The following SETDB2 variants were observed in gnomAD, a reference collection of about 807,000 sequenced individuals.
SETDB2 encodes histone-lysine N-methyltransferase SETDB2.
Under a neutral mutation model 82.5 loss-of-function variants are expected in SETDB2, and 56 were observed. That is an observed-to-expected ratio of 0.68 (90% CI 0.55 to 0.85). The LOEUF is 0.85. Ranked by LOEUF, SETDB2 falls within the 40% of genes least tolerant of loss-of-function variation. SETDB2 has a pLI of 0.00. For synonymous variants in SETDB2, 272 were observed against 284.9 expected, an observed-to-expected ratio of 0.95 and a Z score of 0.46; for missense variants, 677 against 816.4, an observed-to-expected ratio of 0.83 and a Z score of 2.08.
At chr13:49,452,696 A>G (rs1038026183) in intron 2 of SETDB2, among the ~76,000 whole-genome samples, 3 of 152,118 alleles carry the variant, frequency 2.0e-5, no homozygotes, top group African/African-American at 7.2e-5. Context: ...CCTAGCTGTG[A>G]TAGTTTCTGA....
At chr13:49,450,768 A>C (rs1257657970) in intron 1 of SETDB2, among the ~76,000 whole-genome samples, 2 of 152,038 alleles carry the variant, frequency 1.3e-5, no homozygotes, top group Non-Finnish European at 2.9e-5. Context: ...CTTGACTAAC[A>C]TCTTGAGAAT....
intron 2 of SETDB2, among the ~76,000 whole-genome samples, chr13:49,458,196 G>A (rs1029066126): frequency 3.3e-5 from 5 of 152,078 alleles, no homozygotes; most frequent in African/African-American, 1.2e-4. Context: ...CAATCCTCTC[G>A]CCTCAGCCTC....
Position 49,461,151 on chromosome 13 carries a change from C to T in SETDB2, c.197C>T (p.Thr66Ile). The change falls in exon 4 of 14, where the codon ACA (threonine) becomes ATA (isoleucine). Residue 66 changes from threonine (T) to isoleucine (I), a missense_variant. Thr to Ile is a moderately conservative substitution (Grantham distance 89). Coordinates refer to ENST00000611815, the MANE Select transcript of SETDB2 (RefSeq NM_001160308.3). ...GAAGCAACTATAATTAACAGTTCAA[C>T]ATCAATAAAGGGTATGTACATCTCT... Reference protein sequence around the residue: ...VNEATIINSSTSIKDPMPVTQ... With the variant: ...VNEATIINSSISIKDPMPVTQ... 6.2e-7 allele frequency: 1 copy of T among 1,606,486 alleles called. No individual in the cohort carries two copies. Among genetic ancestry groups the T allele is most frequent in the African/African-American group, 1.3e-5 (1 of 74,874 alleles).
In SETDB2 at chr13:49,483,554, G is replaced by A; in HGVS notation, c.1473G>A (p.Gly491=). Residue 491 remains glycine, a synonymous_variant, in exon 10 of 14, where the codon GGG becomes GGA. Transcript: ENST00000611815. ...ESKTAIFQHN[G]KKMEFVSSES... The stretch of plus-strand genomic sequence containing the variant: ...AGACAGCCATTTTTCAACACAATGG[G>A]AAAAAAATGGTAAAAAATGCAAAAT... 7.0e-7 allele frequency: 1 copy of A among 1,420,620 alleles called. No homozygotes were observed. Among genetic ancestry groups the A allele is most frequent in the Non-Finnish European group, 9.5e-7 (1 of 1,056,122 alleles). The allele number at this position is 1,420,620 out of a possible 1,614,324, so 88.0% of individuals were successfully genotyped here. A position where few individuals can be genotyped will look rare whatever the true frequency, so the allele number is the denominator to read the frequency against.
chr13:49,460,318 G>C, intron 3 of SETDB2, 86 bp downstream of exon 3: 2 of 1,337,374 alleles, frequency 1.5e-6, no homozygotes, highest in Non-Finnish European at 2.0e-6. Flanking sequence ...CAATATTGCT[G>C]TTTGTAAAAG....
At chr13:49,480,444 A>G in intron 7 of SETDB2, 109 bp downstream of exon 7, 1 of 664,366 alleles carries the variant, frequency 1.5e-6, no homozygotes, top group Non-Finnish European at 2.6e-6. Flanking sequence ...ATTTGGTTCT[A>G]ATACCAAAAA....
At chr13:49,483,585 T>C (rs771634612) in intron 10 of SETDB2, 22 bp downstream of exon 10, 1 of 922,680 alleles carries the variant, frequency 1.1e-6, no homozygotes, top group South Asian at 1.7e-5. Context: ...AAAATGTAGT[T>C]GGGACCCTTC....
At chr13:49,451,952 TA>T in intron 2 of SETDB2, 43 bp downstream of exon 2, 3 of 1,433,730 alleles carry the variant, frequency 2.1e-6, no homozygotes, top group South Asian at 1.3e-5. Flanking sequence ...TCTAAAAGTA[TA>T]AAAGTATATA....
intron 2 of SETDB2, among the ~76,000 whole-genome samples, chr13:49,459,089 A>G (rs1022427393): frequency 6.6e-6 from 1 of 152,354 alleles, no homozygotes; most frequent in Admixed American, 6.5e-5. Flanking sequence ...AGTCTTACAT[A>G]GTATACATCA....
At position 49,451,673 on chromosome 13, in the gene SETDB2, G is replaced by A; in HGVS notation, c.-221G>A. 1 of 377,936 alleles carries A rather than the reference G, an allele frequency of 2.6e-6. No individual in the cohort carries two copies. Among genetic ancestry groups the A allele is most frequent in the Non-Finnish European group, 4.8e-6 (1 of 208,186 alleles). The allele number at this position is 377,936 out of a possible 1,614,324, so 23.4% of individuals were successfully genotyped here. On this transcript the variant is annotated 5_prime_UTR_variant, in exon 2 of 14. Coordinates refer to ENST00000611815, the MANE Select transcript of SETDB2 (RefSeq NM_001160308.3). The stretch of plus-strand genomic sequence containing the variant: ...AGAAGATTCATGGACTTGTCTTTTG[G>A]TTGGACTGTCACTCATTTCTGAAAG...
At position 49,461,053 on chromosome 13, in the gene SETDB2, C is replaced by T. The variant is rs1361681182; in HGVS notation, c.143-44C>T. ...AATTGTTTAGCACAGTAGCTGGCAC[C>T]ATAAATAAAGGTAATGGTGATGCTG... On this transcript the variant is annotated intron_variant, in intron 3 of 13. Transcript: ENST00000611815. The T allele has an allele frequency of 2.8e-6, 4 of 1,449,282 alleles. No individual in the cohort carries two copies. The Admixed American group carries it at 5.3e-5, about 19-fold the overall frequency. 89.8% of individuals were successfully genotyped at this position (1,449,282 alleles called of 1,614,324 possible).
chr13:49,489,828 TCA>T (rs1958671120), intron 12 of SETDB2, among the ~76,000 whole-genome samples: 1 of 147,570 alleles, frequency 6.8e-6, no homozygotes, highest in Non-Finnish European at 1.5e-5. Context: ...ACTCCTGACC[TCA>T]AGTGATCTGC....
At chr13:49,450,332 A>G (rs1957763553) in intron 1 of SETDB2, among the ~76,000 whole-genome samples, 1 of 152,102 alleles carries the variant, frequency 6.6e-6, no homozygotes, top group African/African-American at 2.4e-5. Context: ...TCAGTCTTCC[A>G]GCTTACTAAC....
chr13:49,450,479 G>T (rs1165046457), intron 1 of SETDB2, among the ~76,000 whole-genome samples: 2 of 151,896 alleles, frequency 1.3e-5, no homozygotes, highest in Non-Finnish European at 2.9e-5. Context: ...TCCTTCTTTA[G>T]CTCAGTCTCT....
At chr13:49,451,332 G>A (rs1566153348) in intron 1 of SETDB2, among the ~76,000 whole-genome samples, 1 of 150,946 alleles carries the variant, frequency 6.6e-6, no homozygotes, top group East Asian at 1.9e-4. Flanking sequence ...TTAAATATGG[G>A]TGATAGGATT....
chr13:49,474,052 A>G (rs991014839), intron 5 of SETDB2, among the ~76,000 whole-genome samples: 20 of 152,226 alleles, frequency 1.3e-4, no homozygotes, highest in African/African-American at 4.8e-4. Context: ...ACTTGAGGTC[A>G]AGAGTTTGAG....
chr13:49,464,794 G>T (rs1442955650), intron 4 of SETDB2, among the ~76,000 whole-genome samples: 1 of 152,134 alleles, frequency 6.6e-6, no homozygotes, highest in Admixed American at 6.5e-5. Flanking sequence ...GAATACAGTG[G>T]CTCAGGCCTG....
intron 12 of SETDB2, among the ~76,000 whole-genome samples, chr13:49,490,221 A>C (rs924460467): frequency 7.0e-6 from 1 of 143,312 alleles, no homozygotes; most frequent in Non-Finnish European, 1.5e-5. Context: ...CGGAGGTTGC[A>C]GTGAGCCAGG....
chr13:49,488,745 C>G, intron 12 of SETDB2, 115 bp downstream of exon 12: 3 of 795,580 alleles, frequency 3.8e-6, no homozygotes. Flanking sequence ...GTTAGAATTC[C>G]AGTCCTCCAC....
Sources: gnomAD v4.1 joint callset for allele counts (sites outside exome capture counted in the v4.1 genomes callset) on GRCh38, gnomAD v4.1.1 for gene constraint, MANE v1.5 for transcripts, NCBI Gene and HGNC (gene_info 2026-07-23, HGNC 2026-07-21) for gene names.